RAB44: variants seen among roughly 807,000 people sequenced by gnomAD.
RAB44 encodes RAB44, member RAS oncogene family, also known as ras-related protein Rab-44.
Under a neutral mutation model 93.3 loss-of-function variants are expected in RAB44, and 67 were observed. The ratio of observed to expected loss-of-function variants is 0.72; its 90% confidence interval spans 0.59 to 0.88. The LOEUF is 0.88. Among genes scored for constraint, RAB44 ranks in the 40% least tolerant of loss-of-function variants. RAB44 has a pLI of 0.00. For synonymous variants in RAB44, 427 were observed against 520.3 expected, an observed-to-expected ratio of 0.82 and a Z score of 2.44; for missense variants, 1,064 against 1,261.7, an observed-to-expected ratio of 0.84 and a Z score of 2.37.
rs1458064563 is a variant in RAB44 at position 36,701,869 on chromosome 6, C to CT, written c.-12-2353dup. Among the ~76,000 whole-genome samples, 35 of 152,164 alleles carry CT rather than the reference C, an allele frequency of 2.3e-4. 2 individuals carry two copies. Among genetic ancestry groups the CT allele is most frequent in the Admixed American group, 2.3e-3 (35 of 15,284 alleles). ...GGACTGGAATCCAGCCCACATTCCA[C>CT]TTGTCAAACCATGAGCCCTGGCACT... On this transcript the variant is annotated intron_variant, in intron 1 of 13. Transcript: ENST00000612677.
intron 10 of RAB44, 134 bp downstream of exon 10, chr6:36,726,077 A>C (rs1763232000): frequency 1.0e-5 from 7 of 693,288 alleles, no homozygotes; most frequent in Admixed American, 2.2e-5. Context: ...GGAAGGAGAG[A>C]TGAGTCAAGC....
At chr6:36,728,057 TA>T (rs1562068403) in intron 11 of RAB44, among the ~76,000 whole-genome samples, 3 of 152,200 alleles carry the variant, frequency 2.0e-5, no homozygotes, top group Non-Finnish European at 4.4e-5. Context: ...CCTCAAAGCA[TA>T]TATACTGAAA....
chr6:36,722,837 G>T (rs901073775), intron 9 of RAB44, 104 bp downstream of exon 9: 50 of 1,385,740 alleles, frequency 3.6e-5, no homozygotes, highest in Non-Finnish European at 4.7e-5. Context: ...GAAGCTGCAG[G>T]TTCTGCCCTG....
rs1763102881 is a variant in RAB44, at chr6:36,722,140, A to G, written c.2006A>G (p.Glu669Gly). Residue 669 changes from glutamate (E) to glycine (G), a missense_variant, in exon 9 of 14, where the codon GAG becomes GGG. Transcript: ENST00000612677. ...GAGCTGTCTGCCTTCCCCCACCAGG[A>G]GCTGGAAGAGGAACCCAGGTCTGAG... ...LGELSAFPHQ[E>G]LEEEPRSEEG... is the part of the protein sequence containing the mutation. The G allele has an allele frequency of 2.4e-6, 3 of 1,236,370 alleles. No homozygotes were observed. The South Asian group carries it at 1.2e-4, about 50-fold the overall frequency. The allele number at this position is 1,236,370 out of a possible 1,614,324, so 76.6% of individuals were successfully genotyped here.
At position 36,731,925 on chromosome 6, in the gene RAB44, C is replaced by A; in HGVS notation, c.2976-78C>A. 7.1e-6 allele frequency: 7 copies of A among 980,748 alleles called. No individual in the cohort carries two copies. Among genetic ancestry groups the A allele is most frequent in the Non-Finnish European group, 9.2e-6 (7 of 759,622 alleles). 60.8% of individuals were successfully genotyped at this position (980,748 alleles called of 1,614,324 possible). A position where few individuals can be genotyped will look rare whatever the true frequency, so the allele number is the denominator to read the frequency against. Reference sequence around the variant, plus strand: ...GGGTTGTGGGTGCGGCCTCCCACCCCCCAGCTGCACCCATGGGCCCATCCG... The same window carrying A: ...GGGTTGTGGGTGCGGCCTCCCACCCACCAGCTGCACCCATGGGCCCATCCG... On this transcript the variant is annotated intron_variant, in intron 13 of 13. Transcript: ENST00000612677. This position sits in a 1 kb window ranked among gnomAD's most constrained non-coding sequence, Gnocchi z 4.0.
Position 36,718,119 on chromosome 6 carries a change from G to A in RAB44, c.732+1G>A. On this transcript the variant is annotated splice_donor_variant, in intron 6 of 13. Coordinates refer to ENST00000612677, the MANE Select transcript of RAB44 (RefSeq NM_001257357.2). LOFTEE classifies it high-confidence loss of function. ...GGAGAAGCAGCAGCTGCAGGCTGAG[G>A]TGGGCTCCCGCCGGCAGCCTGCCTC... is the stretch of plus-strand genomic sequence containing the variant. 8.1e-7 allele frequency: 1 copy of A among 1,232,200 alleles called. No individual in the cohort carries two copies. Among genetic ancestry groups the A allele is most frequent in the Non-Finnish European group, 1.0e-6 (1 of 988,080 alleles). The allele number at this position is 1,232,200 out of a possible 1,614,324, so 76.3% of individuals were successfully genotyped here.
At position 36,725,956 on chromosome 6, in the gene RAB44, G is replaced by A. The variant is rs1763228883; in HGVS notation, c.2681+13G>A. On this transcript the variant is annotated intron_variant, in intron 10 of 13. Transcript: ENST00000612677. ...CTGGCCAAGAGAGGTAACAGGCACT[G>A]TATATCAGTGTGTCAGGAACCTAGG... 6.5e-7 allele frequency: 1 copy of A among 1,545,070 alleles called. No homozygotes were observed. Among genetic ancestry groups the A allele is most frequent in the Non-Finnish European group, 8.8e-7 (1 of 1,141,934 alleles).
chr6:36,726,575 A>G (rs750555419), intron 10 of RAB44, among the ~76,000 whole-genome samples: 7 of 152,098 alleles, frequency 4.6e-5, no homozygotes, highest in Non-Finnish European at 7.4e-5. Flanking sequence ...ATCTTATTTG[A>G]TTCTGCAGTT....
At chr6:36,729,078 C>T (rs953406431) in intron 12 of RAB44, among the ~76,000 whole-genome samples, 1 of 152,220 alleles carries the variant, frequency 6.6e-6, no homozygotes, top group Non-Finnish European at 1.5e-5. Context: ...CACATTCCCA[C>T]ACCATGTCCC....
rs1211723490 is a variant in RAB44, at chr6:36,721,141, T to A, written c.1017-10T>A. The stretch of plus-strand genomic sequence containing the variant: ...CCTCCCCGATCTTTGCTTCCCTGCT[T>A]CATTTCCAGTTTTCCTGGAGCGGGT... On this transcript the variant is annotated splice_polypyrimidine_tract_variant and intron_variant, in intron 8 of 13. Transcript: ENST00000612677. 4.9e-6 allele frequency: 6 copies of A among 1,234,016 alleles called. No individual in the cohort carries two copies. The highest frequency in any genetic ancestry group is 4.7e-5 in the African/African-American group (3 of 64,446). The allele number at this position is 1,234,016 out of a possible 1,614,324, so 76.4% of individuals were successfully genotyped here.
intron 12 of RAB44, among the ~76,000 whole-genome samples, chr6:36,730,220 G>T (rs928700289): frequency 1.3e-5 from 2 of 152,076 alleles, no homozygotes; most frequent in Non-Finnish European, 2.9e-5. Flanking sequence ...CCCCCGCCCC[G>T]TAAAAGGGTT....
chr6:36,722,473 C>T lies in RAB44; in HGVS notation c.2339C>T (p.Thr780Met), dbSNP rs750148205. The change falls in exon 9 of 14, where the codon ACG (threonine) becomes ATG (methionine). Residue 780 changes from threonine to methionine, a missense_variant. By Grantham distance (81) the Thr-to-Met change is moderately conservative (BLOSUM62 -1). Transcript: ENST00000612677. ...EQEAQPRPSL[T>M]TAHAEEQGPP... Reference sequence around the variant, plus strand: ...GAAGCCCAACCCAGGCCATCCCTCACGACTGCTCACGCAGAAGAACAAGGC... The same window carrying T: ...GAAGCCCAACCCAGGCCATCCCTCATGACTGCTCACGCAGAAGAACAAGGC... The T allele has an allele frequency of 4.9e-5, 72 of 1,468,446 alleles. No individual in the cohort carries two copies. The Middle Eastern group carries it at 1.1e-3, about 22-fold the overall frequency. 91.0% of individuals were successfully genotyped at this position (1,468,446 alleles called of 1,614,324 possible). A position where few individuals can be genotyped will look rare whatever the true frequency, so the allele number is the denominator to read the frequency against.
At chr6:36,725,252 T>G (rs1763207834) in intron 9 of RAB44, among the ~76,000 whole-genome samples, 1 of 152,208 alleles carries the variant, frequency 6.6e-6, no homozygotes. Context: ...CTCGGCTCAT[T>G]GTAACCTCCG....
intron 2 of RAB44, among the ~76,000 whole-genome samples, chr6:36,711,908 A>C (rs2150329976): frequency 6.6e-6 from 1 of 151,210 alleles, no homozygotes; most frequent in South Asian, 2.1e-4. Flanking sequence ...ATCTCAAAAA[A>C]AAAAAAAAGA....
At chr6:36,718,748 C>T (rs1181427225) in intron 7 of RAB44, among the ~76,000 whole-genome samples, 160 bp downstream of exon 7, 2 of 152,152 alleles carry the variant, frequency 1.3e-5, no homozygotes, top group Admixed American at 6.5e-5. Context: ...GTGCCTGGCA[C>T]GTAGTAGGTG....
chr6:36,721,023 G>A, intron 8 of RAB44, 128 bp from the exon 9 acceptor site: 4 of 858,314 alleles, frequency 4.7e-6, no homozygotes, highest in East Asian at 3.3e-5. Context: ...GAGAAAGATT[G>A]CCTGAGCAAG....
intron 1 of RAB44, among the ~76,000 whole-genome samples, chr6:36,698,463 G>A (rs965637299): frequency 3.3e-5 from 5 of 152,196 alleles, no homozygotes; most frequent in African/African-American, 1.2e-4. Flanking sequence ...GCAGCCTGTG[G>A]TGCCTGCTGC....
chr6:36,722,565 G>C lies in RAB44; in HGVS notation c.2431G>C (p.Ala811Pro). Residue 811 changes from alanine to proline, a missense_variant, in exon 9 of 14, where the codon GCT becomes CCT. By Grantham distance (27) the Ala-to-Pro change is conservative (BLOSUM62 -1). Coordinates refer to ENST00000612677, the MANE Select transcript of RAB44 (RefSeq NM_001257357.2). The stretch of plus-strand genomic sequence containing the variant: ...AGATCCAGGAATGGACTCCAGGGAA[G>C]CTGGGCTGACCCCATCCCCGGGAGA... ...LEDPGMDSRE[A>P]GLTPSPGDPM... The C allele has an allele frequency of 6.5e-7, 1 of 1,549,440 alleles. No individual in the cohort carries two copies.
At chr6:36,707,943 C>T (rs57490249) in intron 2 of RAB44, among the ~76,000 whole-genome samples, 13,217 of 152,144 alleles carry the variant, frequency 0.087, 1,592 homozygotes, top group African/African-American at 0.27. Context: ...AAGATAAAAA[C>T]ATACTGCCTG....
Sources: gnomAD v4.1 joint callset for allele counts (sites outside exome capture counted in the v4.1 genomes callset) on GRCh38, gnomAD v4.1.1 for gene constraint, Gnocchi (gnomAD v3.1) non-coding constraint, MANE v1.5 for transcripts, NCBI Gene and HGNC (gene_info 2026-07-23, HGNC 2026-07-21) for gene names.